The following KCNQ3 variants were observed in gnomAD, a reference collection of about 807,000 sequenced individuals.
KCNQ3 encodes potassium voltage-gated channel subfamily KQT member 3.
A neutral mutation model predicts 92.5 loss-of-function variants in KCNQ3; 30 were observed. The ratio of observed to expected loss-of-function variants is 0.32; its 90% CI spans 0.24 to 0.44. The LOEUF (loss-of-function observed/expected upper bound fraction) is 0.44. Among genes scored for constraint, KCNQ3 ranks in the 20% least tolerant of loss-of-function variants. The pLI, the probability that KCNQ3 is intolerant of heterozygous loss-of-function variation, is 1.00. For missense variants in KCNQ3, 913 were observed against 1,140.3 expected (o/e 0.80, Z 2.87); for synonymous variants, 450 against 468.8 (o/e 0.96, Z 0.52).
At chr8:132,288,832 C>T (rs912050009) in intron 1 of KCNQ3, among the ~76,000 whole-genome samples, 6 of 152,290 alleles carry the variant, frequency 3.9e-5, no homozygotes, top group South Asian at 4.1e-4. Context: ...ATCTGTCTAC[C>T]GATGTGTCCA....
At chr8:132,440,356 C>A (rs542268321) in intron 1 of KCNQ3, among the ~76,000 whole-genome samples, 3 of 152,268 alleles carry the variant, frequency 2.0e-5, no homozygotes, top group South Asian at 2.1e-4. Context: ...TCCTTCATGG[C>A]GCTGACCAGG....
At chr8:132,190,918 G>A (rs1205959096) in intron 1 of KCNQ3, among the ~76,000 whole-genome samples, 5 of 152,214 alleles carry the variant, frequency 3.3e-5, no homozygotes, top group Non-Finnish European at 5.9e-5. Context: ...TCTGCTCATG[G>A]AGGGCAGAGA....
intron 1 of KCNQ3, among the ~76,000 whole-genome samples, chr8:132,462,729 A>G (rs924981964): frequency 2.2e-4 from 33 of 152,344 alleles, no homozygotes; most frequent in African/African-American, 7.7e-4. Context: ...ACAGGGGCCA[A>G]TTATACACAT....
chr8:132,145,904 G>C (rs1315646001), intron 9 of KCNQ3, among the ~76,000 whole-genome samples: 2 of 152,192 alleles, frequency 1.3e-5, no homozygotes, highest in Admixed American at 1.3e-4. Flanking sequence ...TCAAAGAAAG[G>C]AGGCAAGAGC....
At chr8:132,428,864 A>G (rs1004311861) in intron 1 of KCNQ3, among the ~76,000 whole-genome samples, 1 of 152,192 alleles carries the variant, frequency 6.6e-6, no homozygotes, top group African/African-American at 2.4e-5. Flanking sequence ...CCCTTCCTCT[A>G]AAGGTATGTA....
At chr8:132,417,087 G>A (rs918655854) in intron 1 of KCNQ3, among the ~76,000 whole-genome samples, 3 of 152,178 alleles carry the variant, frequency 2.0e-5, no homozygotes, top group Non-Finnish European at 2.9e-5. Flanking sequence ...TCTAATCCTC[G>A]TTTAACCTGA....
intron 8 of KCNQ3, among the ~76,000 whole-genome samples, chr8:132,167,066 T>C (rs1225678028): frequency 6.6e-6 from 1 of 152,226 alleles, no homozygotes; most frequent in Non-Finnish European, 1.5e-5. Flanking sequence ...CAATGTGGTA[T>C]ATATAATCAA....
intron 1 of KCNQ3, among the ~76,000 whole-genome samples, chr8:132,321,056 A>AGCTCCCAGGT (rs1256325412): frequency 3.3e-5 from 5 of 152,224 alleles, no homozygotes; most frequent in African/African-American, 1.2e-4. Context: ...GCTTTCTGAA[A>AGCTCCCAGGT]GCTCCCAGGT....
chr8:132,230,201 C>T (rs549482002), intron 1 of KCNQ3, among the ~76,000 whole-genome samples: 3 of 152,132 alleles, frequency 2.0e-5, no homozygotes, highest in Non-Finnish European at 4.4e-5. Flanking sequence ...GGCTCCTTTC[C>T]ATGTCTCCTA....
intron 1 of KCNQ3, among the ~76,000 whole-genome samples, chr8:132,368,183 T>G (rs1378126181): frequency 3.3e-5 from 5 of 152,188 alleles, no homozygotes; most frequent in Non-Finnish European, 7.3e-5. Flanking sequence ...ACAACATTAT[T>G]CATTTTTTGA....
intron 7 of KCNQ3, 90 bp downstream of exon 7, chr8:132,172,508 T>C: frequency 1.7e-6 from 2 of 1,176,438 alleles, no homozygotes; most frequent in Non-Finnish European, 2.5e-6. Context: ...CCCCTCCACA[T>C]GTGCACACAT....
intron 1 of KCNQ3, among the ~76,000 whole-genome samples, chr8:132,389,051 A>G (rs1819978621): frequency 6.6e-6 from 1 of 152,256 alleles, no homozygotes; most frequent in African/African-American, 2.4e-5. Context: ...TTCCAGTTTG[A>G]TAGTAGACTT....
intron 1 of KCNQ3, among the ~76,000 whole-genome samples, chr8:132,432,963 C>T (rs1053237738): frequency 6.6e-6 from 1 of 152,194 alleles, no homozygotes; most frequent in African/African-American, 2.4e-5. Context: ...AACTACATAA[C>T]GCCAAATTCT....
At chr8:132,380,028 A>C (rs1439018584) in intron 1 of KCNQ3, among the ~76,000 whole-genome samples, 1 of 152,100 alleles carries the variant, frequency 6.6e-6, no homozygotes, top group East Asian at 1.9e-4. Flanking sequence ...CATACGCTTT[A>C]TTCAATGAAA....
At chr8:132,479,992 A>ACACACACACACACACACC (rs1191748667) in intron 1 of KCNQ3, among the ~76,000 whole-genome samples, 155 bp downstream of exon 1, 1 of 146,856 alleles carries the variant, frequency 6.8e-6, no homozygotes, top group Non-Finnish European at 1.5e-5. Context: ...ACACACACAC[A>ACACACACACACACACACC]CCCAGGGAAA....
At chr8:132,283,692 T>G (rs1235594320) in intron 1 of KCNQ3, among the ~76,000 whole-genome samples, 1 of 152,194 alleles carries the variant, frequency 6.6e-6, no homozygotes, top group Admixed American at 6.5e-5. Context: ...ACACATCATG[T>G]GGGGTTTGAA....
chr8:132,426,232 C>G (rs962313194), intron 1 of KCNQ3, among the ~76,000 whole-genome samples: 7 of 152,220 alleles, frequency 4.6e-5, no homozygotes, highest in Non-Finnish European at 1.0e-4. Flanking sequence ...CTGGCAGGGC[C>G]TCAGATGGCC....
intron 1 of KCNQ3, among the ~76,000 whole-genome samples, chr8:132,347,795 G>A (rs1021688910): frequency 6.6e-6 from 1 of 151,792 alleles, no homozygotes; most frequent in Non-Finnish European, 1.5e-5. Flanking sequence ...GGCTAACACA[G>A]TGAAACCCCG....
At chr8:132,339,958 TAA>T (rs879480573) in intron 1 of KCNQ3, among the ~76,000 whole-genome samples, 4 of 128,886 alleles carry the variant, frequency 3.1e-5, no homozygotes. Context: ...GCAACAAACA[TAA>T]AAAAAAAAAA....
Sources: gnomAD v4.1 joint callset for allele counts (sites outside exome capture counted in the v4.1 genomes callset) on GRCh38, gnomAD v4.1.1 for gene constraint, MANE v1.5 for transcripts, NCBI Gene and HGNC (gene_info 2026-07-23, HGNC 2026-07-21) for gene names.